Variants in COTL1 observed in about 807,000 individuals in gnomAD.
COTL1 encodes the protein coactosin like F-actin binding protein 1.
A neutral mutation model predicts 16.5 loss-of-function variants in COTL1; 15 were observed. The observed-to-expected ratio is 0.91, with a 90% confidence interval of 0.61 to 1.40. COTL1 has a LOEUF of 1.40. COTL1 is among the 40% of genes most tolerant of loss of function. The pLI, the probability that COTL1 is intolerant of heterozygous loss-of-function variation, is 0.00. For missense variants in COTL1, 220 were observed against 201.5 expected (o/e 1.09, Z -0.56); for synonymous variants, 112 against 85.3 (o/e 1.31, Z -1.73).
chr16:84,593,751 G>C (rs12596391), intron 2 of COTL1, among the ~76,000 whole-genome samples: 1 of 151,968 alleles, frequency 6.6e-6, no homozygotes, highest in Non-Finnish European at 1.5e-5. Context: ...CGCCCACCTC[G>C]GCCTCCCAAA....
intron 2 of COTL1, among the ~76,000 whole-genome samples, chr16:84,614,471 G>T (rs1381682196): frequency 1.3e-5 from 2 of 151,874 alleles, no homozygotes; most frequent in Non-Finnish European, 2.9e-5. Context: ...TGGGTGGAGA[G>T]ATCCCATTCT....
Position 84,590,163 on chromosome 16 carries a change from C to T in COTL1, c.260G>A (p.Ser87Asn), listed in dbSNP as rs1567535084. 6.2e-7 allele frequency: 1 copy of T among 1,614,196 alleles called. No individual in the cohort carries two copies. The highest frequency in any genetic ancestry group is 1.7e-5 in the Admixed American group (1 of 60,030). ...CCCGGTTTTGGCGCGCTGCAGCCCG[C>T]TGACGTTCTCACCGATCCACGTGAT... Reference protein sequence around the residue: ...ALITWIGENVSGLQRAKTGTD... With the variant: ...ALITWIGENVNGLQRAKTGTD... Residue 87 changes from serine to asparagine, a missense_variant, in exon 3 of 4, where the codon AGC (serine) becomes AAC (asparagine). Transcript: ENST00000262428. This position sits in a 1 kb window ranked among gnomAD's most constrained non-coding sequence, Gnocchi z 5.5.
At chr16:84,588,565 C>CA (rs1409023704) in intron 3 of COTL1, among the ~76,000 whole-genome samples, 2 of 152,144 alleles carry the variant, frequency 1.3e-5, no homozygotes, top group Non-Finnish European at 2.9e-5. Context: ...AGTCTGAGTG[C>CA]AGTGGCGAGA....
intron 2 of COTL1, among the ~76,000 whole-genome samples, chr16:84,614,788 AG>A (rs1232945091): frequency 1.3e-5 from 2 of 152,134 alleles, no homozygotes; most frequent in African/African-American, 4.8e-5. Context: ...GCCCTCTCTG[AG>A]TCACAAGTGG....
At chr16:84,614,523 G>C (rs1238819846) in intron 2 of COTL1, among the ~76,000 whole-genome samples, 2 of 152,124 alleles carry the variant, frequency 1.3e-5, no homozygotes, top group Non-Finnish European at 2.9e-5. Context: ...ACAGTAGCCT[G>C]AGGTGGGAGG....
chr16:84,571,871 AG>A (rs1271070503), intron 3 of COTL1, among the ~76,000 whole-genome samples: 9 of 152,228 alleles, frequency 5.9e-5, no homozygotes, highest in Admixed American at 2.0e-4. Flanking sequence ...GCAACTCTGC[AG>A]GGGCCCAGGT....
intron 2 of COTL1, among the ~76,000 whole-genome samples, chr16:84,614,459 G>A (rs1300061228): frequency 6.6e-6 from 1 of 151,984 alleles, no homozygotes. Flanking sequence ...AGGAGGGGAG[G>A]CTGGGTGGAG....
rs964800210 is a variant in COTL1 at position 84,565,675 on chromosome 16, C to T, written c.*1170G>A. The T allele has an allele frequency of 4.6e-5, 7 of 152,564 alleles. No individual in the cohort carries two copies. Among genetic ancestry groups the T allele is most frequent in the African/African-American group, 1.7e-4 (7 of 41,426 alleles). The allele number at this position is 152,564 out of a possible 1,614,324, so 9.5% of individuals were successfully genotyped here. A position where few individuals can be genotyped will look rare whatever the true frequency, so the allele number is the denominator to read the frequency against. Reference sequence around the variant, plus strand: ...TGTTCTTTACAATCCCAATACAGTACAGATTTCTTCCCCAAAACGAAATGA... The same window carrying T: ...TGTTCTTTACAATCCCAATACAGTATAGATTTCTTCCCCAAAACGAAATGA... On this transcript the variant is annotated 3_prime_UTR_variant, in exon 4 of 4. Transcript: ENST00000262428.
chr16:84,599,176 C>T (rs1417525632), intron 2 of COTL1, among the ~76,000 whole-genome samples: 1 of 147,856 alleles, frequency 6.8e-6, no homozygotes, highest in Non-Finnish European at 1.5e-5. Flanking sequence ...CTCACCAGGG[C>T]GGCCCCCACC....
Position 84,617,825 on chromosome 16 carries a change from G to A in COTL1, c.77+13C>T. On this transcript the variant is annotated intron_variant, in intron 1 of 3. Coordinates refer to ENST00000262428, the MANE Select transcript of COTL1 (RefSeq NM_021149.5). ...CGGGGAGCGGGGCGTGGAGACGAATGAAAAGTTCCTACCAGATGACGGCCG... is the reference window on the plus strand; with the variant it reads ...CGGGGAGCGGGGCGTGGAGACGAATAAAAAGTTCCTACCAGATGACGGCCG... 3 of 1,568,918 alleles carry A rather than the reference G, an allele frequency of 1.9e-6. No homozygotes were observed. Among genetic ancestry groups the A allele is most frequent in the Non-Finnish European group, 2.6e-6 (3 of 1,157,256 alleles).
intron 3 of COTL1, among the ~76,000 whole-genome samples, chr16:84,578,066 A>T (rs1051325069): frequency 6.6e-6 from 1 of 152,172 alleles, no homozygotes; most frequent in East Asian, 1.9e-4. Context: ...CACAGGAGAC[A>T]TCACAAATTA....
intron 3 of COTL1, chr16:84,577,104 C>G (rs1438396268): frequency 6.7e-6 from 1 of 150,150 alleles, no homozygotes; most frequent in Non-Finnish European, 1.5e-5. Flanking sequence ...CACTGGGCAC[C>G]TGCTGCCAAC....
At chr16:84,579,551 T>C (rs1904531863) in intron 3 of COTL1, among the ~76,000 whole-genome samples, 1 of 152,192 alleles carries the variant, frequency 6.6e-6, no homozygotes, top group South Asian at 2.1e-4. Flanking sequence ...ACAGGCTATA[T>C]CTCTGCTCTG....
chr16:84,572,303 C>A (rs1408973973), intron 3 of COTL1, among the ~76,000 whole-genome samples: 2 of 152,164 alleles, frequency 1.3e-5, no homozygotes, highest in Non-Finnish European at 1.5e-5. Context: ...CAAAGCGTGG[C>A]CACCCCTACA....
intron 2 of COTL1, among the ~76,000 whole-genome samples, chr16:84,609,038 G>C (rs954121355): frequency 6.6e-6 from 1 of 152,180 alleles, no homozygotes; most frequent in Non-Finnish European, 1.5e-5. Context: ...CACAGATTTG[G>C]AGCTTCTTTT....
Position 84,618,016 on chromosome 16 carries a change from C to T in COTL1, c.-102G>A. Reference sequence around the variant, plus strand: ...CGGGTACGCGCCGAGGGCGCACGGGCTGGCGGCGGTGGCGACGGCTACGCG... The same window carrying T: ...CGGGTACGCGCCGAGGGCGCACGGGTTGGCGGCGGTGGCGACGGCTACGCG... On this transcript the variant is annotated 5_prime_UTR_variant, in exon 1 of 4. Transcript: ENST00000262428. 1.5e-6 allele frequency: 1 copy of T among 688,050 alleles called. No homozygotes were observed. The highest frequency in any genetic ancestry group is 1.9e-6 in the Non-Finnish European group (1 of 521,294). 42.6% of individuals were successfully genotyped at this position (688,050 alleles called of 1,614,324 possible). A position where few individuals can be genotyped will look rare whatever the true frequency, so the allele number is the denominator to read the frequency against.
intron 2 of COTL1, chr16:84,595,108 G>C (rs935112149): frequency 2.6e-5 from 4 of 152,204 alleles, no homozygotes; most frequent in African/African-American, 9.7e-5. Context: ...CCAGGGCCTG[G>C]CACAAGATAG....
At chr16:84,568,200 A>G (rs247859) in intron 3 of COTL1, 131,672 of 152,230 alleles carry the variant, frequency 0.86, 57,429 homozygotes, top group South Asian at 0.9. Flanking sequence ...GTTTCGCCAC[A>G]TTGGCCAGGC....
chr16:84,592,372 C>A (rs1338328950), intron 2 of COTL1, among the ~76,000 whole-genome samples: 2 of 152,148 alleles, frequency 1.3e-5, no homozygotes, highest in African/African-American at 4.8e-5. Flanking sequence ...TTGTATTAGC[C>A]ACTTGCATAA....
Sources: allele counts gnomAD v4.1 joint callset (sites outside exome capture counted in the v4.1 genomes callset), GRCh38; gene constraint gnomAD v4.1.1; non-coding constraint Gnocchi (gnomAD v3.1); transcripts MANE v1.5; gene names NCBI Gene and HGNC (gene_info 2026-07-23, HGNC 2026-07-21).